The following TRIM8 variants were observed in gnomAD, a reference collection of about 807,000 sequenced individuals.
The protein encoded by TRIM8 is E3 ubiquitin-protein ligase TRIM8.
Under a neutral mutation model 55.7 loss-of-function variants are expected in TRIM8, and 9 were observed. The observed-to-expected ratio is 0.16, with a 90% CI of 0.10 to 0.28. The LOEUF (loss-of-function observed/expected upper bound fraction) is 0.28, where lower values mean the gene tolerates loss of function less well. Among genes scored for constraint, TRIM8 ranks in the 10% least tolerant of loss-of-function variants. TRIM8 has a pLI of 1.00. For missense variants in TRIM8, 556 were observed against 736.4 expected (o/e 0.76, Z 2.83); for synonymous variants, 335 against 333.3 (o/e 1.01, Z -0.06).
rs1283704228 is a variant in TRIM8 at position 102,657,566 on chromosome 10, G to A, written c.*212G>A. On this transcript the variant is annotated 3_prime_UTR_variant, in exon 6 of 6. Transcript: ENST00000643721. ...TCTCCTGGACGCAGAGGTGACAGTG[G>A]GAGCTGGCCTGGGCCAGGACGGCAG... 1 of 611,624 alleles carries A rather than the reference G, an allele frequency of 1.6e-6. No individual in the cohort carries two copies. The highest frequency in any genetic ancestry group is 1.9e-5 in the African/African-American group (1 of 53,082). 37.9% of individuals were successfully genotyped at this position (611,624 alleles called of 1,614,324 possible). A position where few individuals can be genotyped will look rare whatever the true frequency, so the allele number is the denominator to read the frequency against.
rs769379402 is a variant in TRIM8 at position 102,657,403 on chromosome 10, G to A, written c.*49G>A. Reference sequence around the variant, plus strand: ...GGGGAATCTTCCTCCCCAGCCCCCGGGCTCGGGAGTTATGCATCCAGAGAC... The same window carrying A: ...GGGGAATCTTCCTCCCCAGCCCCCGAGCTCGGGAGTTATGCATCCAGAGAC... On this transcript the variant is annotated 3_prime_UTR_variant, in exon 6 of 6. Transcript: ENST00000643721. 1 of 1,516,734 alleles carries A rather than the reference G, an allele frequency of 6.6e-7. No individual in the cohort carries two copies. Among genetic ancestry groups the A allele is most frequent in the African/African-American group, 1.4e-5 (1 of 71,800 alleles). The allele number at this position is 1,516,734 out of a possible 1,614,324, so 94.0% of individuals were successfully genotyped here. A position where few individuals can be genotyped will look rare whatever the true frequency, so the allele number is the denominator to read the frequency against.
Position 102,655,237 on chromosome 10 carries a change from G to A in TRIM8, c.824G>A (p.Arg275His), listed in dbSNP as rs145414002. 89 of 1,601,828 alleles carry A rather than the reference G, an allele frequency of 5.6e-5. No homozygotes were observed. Among genetic ancestry groups the A allele is most frequent in the African/African-American group, 3.2e-4 (24 of 73,914 alleles). Residue 275 changes from arginine to histidine, a missense_variant, in exon 3 of 6, where the codon CGC becomes CAC. Arg to His is a conservative substitution (Grantham distance 29, BLOSUM62 0). Transcript: ENST00000643721. The part of the protein sequence containing the change: ...NAAQALHLGE[R>H]MQEAKKLLGS... ...GCGCAGGCGCTGCACCTCGGGGAGC[G>A]CATGCAGGAGGCCAAGAAGCTGCTG...
In TRIM8 at chr10:102,654,704, G is replaced by C; in HGVS notation, c.622G>C (p.Glu208Gln). 7 of 1,614,218 alleles carry C rather than the reference G, an allele frequency of 4.3e-6. No homozygotes were observed. Among genetic ancestry groups the C allele is most frequent in the Non-Finnish European group, 5.9e-6 (7 of 1,180,028 alleles). ...DRLEEREQDIEDQLYKLESDK... is the reference protein window; with the variant it reads ...DRLEEREQDIQDQLYKLESDK... ...GCTGGAGGAGCGAGAGCAGGACATTGAGGACCAGCTGTACAAACTCGAGTC... is the reference window on the plus strand; with the variant it reads ...GCTGGAGGAGCGAGAGCAGGACATTCAGGACCAGCTGTACAAACTCGAGTC... The change falls in exon 2 of 6, where the codon GAG becomes CAG. Residue 208 changes from glutamate to glutamine, a missense_variant. Glu to Gln is a conservative substitution (Grantham distance 29). Coordinates refer to ENST00000643721, the MANE Select transcript of TRIM8 (RefSeq NM_030912.3).
chr10:102,654,875 TG>T (rs2064010866), intron 2 of TRIM8, 127 bp downstream of exon 2: 1 of 888,774 alleles, frequency 1.1e-6, no homozygotes. Context: ...TTCAATCAAC[TG>T]CCCGTGGATG....
chr10:102,651,576 G>A (rs1201681428), intron 1 of TRIM8, among the ~76,000 whole-genome samples: 1 of 152,240 alleles, frequency 6.6e-6, no homozygotes, highest in East Asian at 1.9e-4. Context: ...GGGTTTGGTC[G>A]TGGAGAAGCA....
At chr10:102,649,701 T>C (rs905048182) in intron 1 of TRIM8, among the ~76,000 whole-genome samples, 2 of 152,232 alleles carry the variant, frequency 1.3e-5, no homozygotes, top group Admixed American at 1.3e-4. Context: ...TCTGAGGTGC[T>C]GCCTCTCTCC....
Position 102,644,680 on chromosome 10 carries a change from T to G in TRIM8, c.63T>G (p.Val21=), listed in dbSNP as rs781708936. 6.2e-7 allele frequency: 1 copy of G among 1,613,430 alleles called. No homozygotes were observed. Among genetic ancestry groups the G allele is most frequent in the East Asian group, 2.2e-5 (1 of 44,842 alleles). Reference sequence around the variant, plus strand: ...TCATCTGCCCTATCTGCCTGCACGTTTTCGTGGAGCCAGTGCAGCTGCCGT... The same window carrying G: ...TCATCTGCCCTATCTGCCTGCACGTGTTCGTGGAGCCAGTGCAGCTGCCGT... ...EELICPICLH[V]FVEPVQLPCK... Residue 21 remains valine, a synonymous_variant, in exon 1 of 6, where the codon GTT becomes GTG. Coordinates refer to ENST00000643721, the MANE Select transcript of TRIM8 (RefSeq NM_030912.3).
Position 102,657,092 on chromosome 10 carries a change from T to A in TRIM8, c.1394T>A (p.Ile465Asn). 1 of 1,613,712 alleles carries A rather than the reference T, an allele frequency of 6.2e-7. No individual in the cohort carries two copies. Among genetic ancestry groups the A allele is most frequent in the Non-Finnish European group, 8.5e-7 (1 of 1,179,980 alleles). The part of the protein sequence containing the change: ...PMLPQYGGRK[I>N]LVCSVDNCYC... ...CTCCCCCAGTATGGCGGCCGCAAGATTCTCGTCTGTTCTGTGGACAACTGT... is the reference window on the plus strand; with the variant it reads ...CTCCCCCAGTATGGCGGCCGCAAGAATCTCGTCTGTTCTGTGGACAACTGT... The change falls in exon 6 of 6, where the codon ATT becomes AAT. Residue 465 changes from isoleucine (I) to asparagine (N), a missense_variant. Transcript: ENST00000643721.
At position 102,657,729 on chromosome 10, in the gene TRIM8, A is replaced by C; in HGVS notation, c.*375A>C. 2 of 183,130 alleles carry C rather than the reference A, an allele frequency of 1.1e-5. No homozygotes were observed. The highest frequency in any genetic ancestry group is 1.5e-4 in the South Asian group (1 of 6,568). 11.3% of individuals were successfully genotyped at this position (183,130 alleles called of 1,614,324 possible). On this transcript the variant is annotated 3_prime_UTR_variant, in exon 6 of 6. Coordinates refer to ENST00000643721, the MANE Select transcript of TRIM8 (RefSeq NM_030912.3). ...GCTTCCCTGAAAGCTTGGGGGTCCCACCCTTCTTACCCCACCCGGGAGGAA... is the reference window on the plus strand; with the variant it reads ...GCTTCCCTGAAAGCTTGGGGGTCCCCCCCTTCTTACCCCACCCGGGAGGAA...
Position 102,644,546 on chromosome 10 carries a change from C to G in TRIM8, c.-72C>G. ...CGGAGCTCGGGGCTCGGTGGGCCTACAGCGGCTCCGGACGGACCCCCGGGG... is the reference window on the plus strand; with the variant it reads ...CGGAGCTCGGGGCTCGGTGGGCCTAGAGCGGCTCCGGACGGACCCCCGGGG... On this transcript the variant is annotated 5_prime_UTR_variant, in exon 1 of 6. Coordinates refer to ENST00000643721, the MANE Select transcript of TRIM8 (RefSeq NM_030912.3). 1 of 1,485,932 alleles carries G rather than the reference C, an allele frequency of 6.7e-7. No homozygotes were observed. The highest frequency in any genetic ancestry group is 9.1e-7 in the Non-Finnish European group (1 of 1,098,782). The allele number at this position is 1,485,932 out of a possible 1,614,324, so 92.0% of individuals were successfully genotyped here.
chr10:102,656,703 C>T lies in TRIM8; in HGVS notation c.1049-44C>T. ...ACCCAGGGAGAGGAGGCCTGGGTTG[C>T]TTGGGGTGGGAGCTTTGGCGACTTT... On this transcript the variant is annotated intron_variant, in intron 5 of 5. Transcript: ENST00000643721. The surrounding 1 kb of genome is among the most constrained non-coding windows in gnomAD (Gnocchi z 4.6). 6.6e-7 allele frequency: 1 copy of T among 1,506,722 alleles called. No homozygotes were observed. Among genetic ancestry groups the T allele is most frequent in the Non-Finnish European group, 8.9e-7 (1 of 1,129,774 alleles). 93.3% of individuals were successfully genotyped at this position (1,506,722 alleles called of 1,614,324 possible).
chr10:102,651,589 C>T (rs1796422397), intron 1 of TRIM8, among the ~76,000 whole-genome samples: 1 of 152,220 alleles, frequency 6.6e-6, no homozygotes, highest in Non-Finnish European at 1.5e-5. Flanking sequence ...GAGAAGCAGC[C>T]ATGCAGTAAG....
intron 1 of TRIM8, among the ~76,000 whole-genome samples, chr10:102,652,005 T>G (rs2063989422): frequency 1.3e-5 from 2 of 152,188 alleles, no homozygotes; most frequent in South Asian, 4.1e-4. Flanking sequence ...TGCCCACTCA[T>G]GCTGTGTGTG....
At position 102,645,067 on chromosome 10, in the gene TRIM8, C is replaced by T; in HGVS notation, c.450C>T (p.Ala150=). Residue 150 remains alanine, a synonymous_variant, in exon 1 of 6, where the codon GCC becomes GCT. Coordinates refer to ENST00000643721, the MANE Select transcript of TRIM8 (RefSeq NM_030912.3). ...VRAWSCPQHN[A]YRLYHCEAEQ... ...CCTGGAGCTGCCCGCAGCACAACGC[C>T]TACCGCCTCTACCACTGCGAGGCCG... 2 of 1,592,904 alleles carry T rather than the reference C, an allele frequency of 1.3e-6. No homozygotes were observed. The highest frequency in any genetic ancestry group is 1.7e-5 in the Admixed American group (1 of 59,298).
chr10:102,644,800 G>T lies in TRIM8; in HGVS notation c.183G>T (p.Gln61His), dbSNP rs746502152. 1 of 1,613,334 alleles carries T rather than the reference G, an allele frequency of 6.2e-7. No individual in the cohort carries two copies. The highest frequency in any genetic ancestry group is 8.5e-7 in the Non-Finnish European group (1 of 1,179,882). Residue 61 changes from glutamine (Q) to histidine (H), a missense_variant, in exon 1 of 6, where the codon CAG becomes CAT. Transcript: ENST00000643721. ...RCPECNQAYN[Q>H]KPGLEKNLKL... ...CAGAGTGCAACCAGGCCTACAACCA[G>T]AAGCCGGGCCTGGAGAAGAACCTGA...
At position 102,656,342 on chromosome 10, in the gene TRIM8, C is replaced by A. The variant is rs775632228; in HGVS notation, c.1005C>A (p.Asn335Lys). 2 of 1,613,932 alleles carry A rather than the reference C, an allele frequency of 1.2e-6. No homozygotes were observed. The highest frequency in any genetic ancestry group is 2.7e-5 in the African/African-American group (2 of 74,894). Residue 335 changes from asparagine to lysine, a missense_variant, in exon 5 of 6, where the codon AAC (asparagine) becomes AAA (lysine). Asn to Lys is a moderately conservative substitution (Grantham distance 94, BLOSUM62 0). This residue lies in a region of TRIM8 where 391 missense variants were observed against 441.0 expected (regional missense o/e 0.89). Coordinates refer to ENST00000643721, the MANE Select transcript of TRIM8 (RefSeq NM_030912.3). This position sits in a 1 kb window ranked among gnomAD's most constrained non-coding sequence, Gnocchi z 4.6. ...ACCTGAACTCCAAGCTCTTCCTGAA[C>A]GAAGTGGCCAAGAAGGAGAAGCAGC... ...IGHLNSKLFLNEVAKKEKQLR... is the reference protein window; with the variant it reads ...IGHLNSKLFLKEVAKKEKQLR...
chr10:102,655,681 C>T (rs1439401483), intron 3 of TRIM8, among the ~76,000 whole-genome samples: 2 of 152,214 alleles, frequency 1.3e-5, no homozygotes, highest in Non-Finnish European at 2.9e-5. Context: ...AAAATTCAAA[C>T]ATTTTGCTGC....
chr10:102,646,928 C>T (rs534557801), intron 1 of TRIM8, among the ~76,000 whole-genome samples: 130 of 152,344 alleles, frequency 8.5e-4, no homozygotes, highest in Middle Eastern at 3.4e-3. Context: ...GCTGCTGTAG[C>T]TGGTCTGAGT....
rs2064028768 is a variant in TRIM8 at position 102,656,788 on chromosome 10, C to T, written c.1090C>T (p.Leu364=). ...TPVPFLQSVP[L]YPCGVSSSGA... is the part of the protein sequence containing the mutation. ...GGTGCCCTTCCTGCAGAGTGTCCCCCTGTACCCTTGCGGCGTGAGCAGCTC... is the reference window on the plus strand; with the variant it reads ...GGTGCCCTTCCTGCAGAGTGTCCCCTTGTACCCTTGCGGCGTGAGCAGCTC... Residue 364 remains leucine, a synonymous_variant, in exon 6 of 6, where the codon CTG becomes TTG. Coordinates refer to ENST00000643721, the MANE Select transcript of TRIM8 (RefSeq NM_030912.3). The surrounding 1 kb of genome is among the most constrained non-coding windows in gnomAD (Gnocchi z 4.6). 1 of 1,519,642 alleles carries T rather than the reference C, an allele frequency of 6.6e-7. No homozygotes were observed. The highest frequency in any genetic ancestry group is 2.3e-5 in the East Asian group (1 of 44,072). The allele number at this position is 1,519,642 out of a possible 1,614,324, so 94.1% of individuals were successfully genotyped here. A position where few individuals can be genotyped will look rare whatever the true frequency, so the allele number is the denominator to read the frequency against.
Sources: gnomAD v4.1 joint callset for allele counts (sites outside exome capture counted in the v4.1 genomes callset) on GRCh38, gnomAD v4.1.1 for gene constraint, gnomAD v4.1.1 regional missense constraint, Gnocchi (gnomAD v3.1) non-coding constraint, MANE v1.5 for transcripts, NCBI Gene and HGNC (gene_info 2026-07-23, HGNC 2026-07-21) for gene names.